Variants in NFIB observed in about 807,000 individuals in gnomAD.
NFIB encodes the protein nuclear factor 1 B-type.
In NFIB, 11 loss-of-function variants were observed where a neutral mutation model predicts 61.5. The observed-to-expected ratio is 0.18, with a 90% CI of 0.11 to 0.30. The LOEUF is 0.30. NFIB is among the 10% of genes least tolerant of loss of function. The probability of loss-of-function intolerance (pLI) is 1.00; values close to 1 mark genes in which losing one functional copy is unlikely to be tolerated. For synonymous variants in NFIB, 260 were observed against 216.5 expected, an observed-to-expected ratio of 1.20 and a Z score of -1.76; for missense variants, 471 against 608.9, an observed-to-expected ratio of 0.77 and a Z score of 2.38.
intron 2 of NFIB, among the ~76,000 whole-genome samples, chr9:14,213,778 T>C (rs2050559041): frequency 6.6e-6 from 1 of 152,212 alleles, no homozygotes; most frequent in Non-Finnish European, 1.5e-5. Flanking sequence ...CCTTTCCTGA[T>C]ACCCCAAGCT....
At chr9:14,435,250 C>T in the NFIB span, among the ~76,000 whole-genome samples, 12 of 152,268 alleles carry the variant, frequency 7.9e-5, no homozygotes, top group East Asian at 1.9e-4. Flanking sequence ...ATCTCCTGCT[C>T]GACAAAAGAG....
chr9:14,096,607 T>G (rs914677960), intron 10 of NFIB: 1 of 152,182 alleles, frequency 6.6e-6, no homozygotes, highest in Non-Finnish European at 1.5e-5. Context: ...TGGTCCATTG[T>G]TCCCCCAACC....
At chr9:14,438,863 C>G in the NFIB span, among the ~76,000 whole-genome samples, 4 of 152,054 alleles carry the variant, frequency 2.6e-5, no homozygotes, top group African/African-American at 9.7e-5. Flanking sequence ...GGGGTGGCAA[C>G]AGGACGCCCG....
the NFIB span, among the ~76,000 whole-genome samples, chr9:14,424,103 C>A: frequency 2.6e-5 from 4 of 152,080 alleles, no homozygotes; most frequent in African/African-American, 7.2e-5. Flanking sequence ...CTAACCCCCA[C>A]GTACTCTATG....
the NFIB span, among the ~76,000 whole-genome samples, chr9:14,531,372 A>G: frequency 6.6e-6 from 1 of 152,208 alleles, no homozygotes; most frequent in Non-Finnish European, 1.5e-5. Flanking sequence ...CTCATTAACT[A>G]AATTTAATTA....
chr9:14,123,432 T>C (rs2039205081), intron 7 of NFIB, among the ~76,000 whole-genome samples: 2 of 152,212 alleles, frequency 1.3e-5, no homozygotes, highest in African/African-American at 4.8e-5. Context: ...TATAGTGCTA[T>C]GTGAATTACT....
intron 3 of NFIB, among the ~76,000 whole-genome samples, chr9:14,164,406 T>G (rs572124257): frequency 6.6e-6 from 1 of 152,162 alleles, no homozygotes; most frequent in South Asian, 2.1e-4. Flanking sequence ...CAAACCTGTA[T>G]AGCATACTAC....
rs567413124 is a variant in NFIB at position 14,205,847 on chromosome 9, G to A, written c.563-26067C>T. On this transcript the variant is annotated intron_variant, in intron 2 of 10. Transcript: ENST00000380953. ...AATATTGTTTACTTAATTTTTTTAA[G>A]TCTCCATTTTAGGAGAAGAAAATCT... Among the ~76,000 whole-genome samples, 262 of 152,056 alleles carry A rather than the reference G, an allele frequency of 1.7e-3. 1 individual carries two copies. Among genetic ancestry groups the A allele is most frequent in the African/African-American group, 5.5e-3 (229 of 41,454 alleles).
chr9:14,322,583 C>T (rs543174971), intron 1 of NFIB, among the ~76,000 whole-genome samples: 8 of 152,002 alleles, frequency 5.3e-5, no homozygotes, highest in Non-Finnish European at 1.2e-4. Context: ...CGGCCCGCCC[C>T]GCCCCACCCT....
At chr9:14,493,195 A>G in the NFIB span, among the ~76,000 whole-genome samples, 1 of 152,170 alleles carries the variant, frequency 6.6e-6, no homozygotes, top group African/African-American at 2.4e-5. Context: ...CGTTAAGGCC[A>G]TATTTGGCCT....
chr9:14,141,551 G>C (rs1395646078), intron 6 of NFIB, among the ~76,000 whole-genome samples: 1 of 151,962 alleles, frequency 6.6e-6, no homozygotes, highest in African/African-American at 2.4e-5. Flanking sequence ...AATAGTAAAA[G>C]TTACTTTTCC....
the NFIB span, among the ~76,000 whole-genome samples, chr9:14,515,250 C>A: frequency 6.6e-6 from 1 of 152,126 alleles, no homozygotes; most frequent in South Asian, 2.1e-4. Flanking sequence ...GGCAGGGAAT[C>A]AGATGGAGGA....
rs2132960935 is a variant in NFIB, at chr9:14,367,570, G to C, written c.108+30954C>G. On this transcript the variant is annotated intron_variant, in intron 1 of 8. Coordinates refer to the NFIB transcript ENST00000380934. The stretch of plus-strand genomic sequence containing the variant: ...GTATTTTCGTTGATAGGGAAATGCT[G>C]AGGGGGTTTAAGCCTTAGAGCAATT... Among the ~76,000 whole-genome samples, 2 of 152,224 alleles carry C rather than the reference G, an allele frequency of 1.3e-5. 1 individual carries two copies. The highest frequency in any genetic ancestry group is 4.2e-4 in the South Asian group (2 of 4,812).
intron 1 of NFIB, among the ~76,000 whole-genome samples, chr9:14,384,745 A>G (rs996719997): frequency 2.0e-5 from 3 of 152,094 alleles, no homozygotes; most frequent in African/African-American, 7.2e-5. Flanking sequence ...AATTCTATTC[A>G]TGGCCTGGTA....
At chr9:14,492,130 A>G in the NFIB span, among the ~76,000 whole-genome samples, 1 of 152,098 alleles carries the variant, frequency 6.6e-6, no homozygotes, top group African/African-American at 2.4e-5. Context: ...TTGGAAGGCC[A>G]AGGCGGGTGG....
chr9:14,518,730 T>C, the NFIB span, among the ~76,000 whole-genome samples: 1 of 152,016 alleles, frequency 6.6e-6, no homozygotes, highest in Non-Finnish European at 1.5e-5. Context: ...CTCCCTCCTT[T>C]CCTTGCCAGC....
chr9:14,196,708 G>T (rs1351681391), intron 2 of NFIB, among the ~76,000 whole-genome samples: 1 of 145,786 alleles, frequency 6.9e-6, no homozygotes, highest in Non-Finnish European at 1.5e-5. Context: ...AAAAAAAACA[G>T]AGCCTAAGTT....
the NFIB span, among the ~76,000 whole-genome samples, chr9:14,482,039 G>C: frequency 6.6e-6 from 1 of 152,162 alleles, no homozygotes. Context: ...CTAAGGGTTG[G>C]AATGTTGGAA....
intron 2 of NFIB, chr9:14,204,900 T>A: frequency 2.8e-6 from 1 of 361,484 alleles, no homozygotes; most frequent in Non-Finnish European, 5.3e-6. Flanking sequence ...GTTAAGCTGG[T>A]GGTAGCTATC....
Sources: allele counts gnomAD v4.1 joint callset (sites outside exome capture counted in the v4.1 genomes callset), GRCh38; gene constraint gnomAD v4.1.1; transcripts MANE v1.5; gene names NCBI Gene and HGNC (gene_info 2026-07-23, HGNC 2026-07-21).